Variants in DIAPH3 observed in about 807,000 individuals in gnomAD.
DIAPH3 encodes diaphanous related formin 3.
Under a neutral mutation model 144.3 loss-of-function variants are expected in DIAPH3, and 117 were observed. That is an observed-to-expected ratio of 0.81 (90% CI 0.70 to 0.95). DIAPH3 has a LOEUF of 0.95. DIAPH3 is among the 40% of genes least tolerant of loss of function. The pLI is 0.00. For synonymous variants in DIAPH3, 519 were observed against 488.9 expected (o/e 1.06, Z -0.81); for missense variants, 1,421 against 1,412.7 (o/e 1.01, Z -0.09).
intron 22 of DIAPH3, among the ~76,000 whole-genome samples, chr13:59,841,401 G>A (rs896249404): frequency 4.6e-5 from 7 of 151,772 alleles, no homozygotes; most frequent in Non-Finnish European, 7.4e-5. Context: ...GACCAGCCTG[G>A]ACAACAACAA....
chr13:59,851,135 C>T (rs1264007236), intron 22 of DIAPH3, among the ~76,000 whole-genome samples: 1 of 152,106 alleles, frequency 6.6e-6, no homozygotes, highest in African/African-American at 2.4e-5. Context: ...CAATAAAATA[C>T]TGGCAAACCG....
intron 4 of DIAPH3, among the ~76,000 whole-genome samples, chr13:60,069,873 C>T (rs1401811544): frequency 6.6e-6 from 1 of 152,178 alleles, no homozygotes; most frequent in African/African-American, 2.4e-5. Flanking sequence ...GTTTTGGTTA[C>T]TGTAGCCTTG....
At chr13:60,101,560 A>T (rs1309707422) in intron 3 of DIAPH3, among the ~76,000 whole-genome samples, 1 of 150,290 alleles carries the variant, frequency 6.7e-6, no homozygotes, top group East Asian at 2.0e-4. Flanking sequence ...CAAAAGTGTT[A>T]GTGTATTTTA....
At chr13:59,947,254 T>C (rs1010884647) in intron 17 of DIAPH3, among the ~76,000 whole-genome samples, 1 of 152,196 alleles carries the variant, frequency 6.6e-6, no homozygotes, top group African/African-American at 2.4e-5. Flanking sequence ...TGGGGTACTG[T>C]AATGCATTAC....
intron 4 of DIAPH3, among the ~76,000 whole-genome samples, chr13:60,082,198 A>T (rs1323538436): frequency 6.6e-6 from 1 of 152,028 alleles, no homozygotes; most frequent in Non-Finnish European, 1.5e-5. Context: ...AACAAGGAAC[A>T]CAAGAATAAA....
intron 27 of DIAPH3, among the ~76,000 whole-genome samples, chr13:59,724,235 T>C (rs1181557395): frequency 6.6e-6 from 1 of 152,222 alleles, no homozygotes; most frequent in Non-Finnish European, 1.5e-5. Context: ...ACTTGAAATT[T>C]AAATTTAACT....
chr13:60,093,736 G>A lies in DIAPH3; in HGVS notation c.391-4C>T. On this transcript the variant is annotated splice_polypyrimidine_tract_variant and splice_region_variant and intron_variant, in intron 3 of 27. Coordinates refer to ENST00000400324, the MANE Select transcript of DIAPH3 (RefSeq NM_001042517.2). Reference sequence around the variant, plus strand: ...CTTCATTTAAATTCATATCTTCCTGGAAAACACAATTAAAATGCCTCATTT... The same window carrying A: ...CTTCATTTAAATTCATATCTTCCTGAAAAACACAATTAAAATGCCTCATTT... The A allele has an allele frequency of 6.3e-7, 1 of 1,593,066 alleles. No individual in the cohort carries two copies. Among genetic ancestry groups the A allele is most frequent in the Non-Finnish European group, 8.6e-7 (1 of 1,162,036 alleles).
rs779430190 is a variant in DIAPH3, at chr13:59,916,262, AAG to A, written c.2171-15_2171-14del. 5 of 1,599,654 alleles carry A rather than the reference AAG, an allele frequency of 3.1e-6. No individual in the cohort carries two copies. Among genetic ancestry groups the A allele is most frequent in the Non-Finnish European group, 4.3e-6 (5 of 1,167,350 alleles). ...CTCAGGAAGATTGCTAAGAAGGAGA[AAG>A]AGAGAAAGGTTTATAATGAATAAGG... On this transcript the variant is annotated splice_polypyrimidine_tract_variant and intron_variant, in intron 18 of 27. Coordinates refer to ENST00000400324, the MANE Select transcript of DIAPH3 (RefSeq NM_001042517.2).
chr13:59,733,951 C>A (rs2036013483), intron 27 of DIAPH3, among the ~76,000 whole-genome samples: 1 of 152,230 alleles, frequency 6.6e-6, no homozygotes, highest in African/African-American at 2.4e-5. Flanking sequence ...AGCTTGTCAT[C>A]ACATATACAC....
chr13:60,101,160 G>T (rs375115938), intron 3 of DIAPH3, among the ~76,000 whole-genome samples: 1 of 152,142 alleles, frequency 6.6e-6, no homozygotes, highest in African/African-American at 2.4e-5. Context: ...TTAATCCTCA[G>T]TAACTTGAGG....
At chr13:60,028,357 T>C (rs911562065) in intron 5 of DIAPH3, among the ~76,000 whole-genome samples, 1 of 151,954 alleles carries the variant, frequency 6.6e-6, no homozygotes, top group Non-Finnish European at 1.5e-5. Flanking sequence ...ACAACCTTCC[T>C]CTTGCCAGTT....
At chr13:59,723,900 AC>A (rs200036651) in intron 27 of DIAPH3, among the ~76,000 whole-genome samples, 4,625 of 150,166 alleles carry the variant, frequency 0.031, 107 homozygotes, top group Non-Finnish European at 0.042. Flanking sequence ...GGCATGAGCC[AC>A]CGCACCCAGC....
At position 59,971,053 on chromosome 13, in the gene DIAPH3, C is replaced by T. The variant is rs780407433; in HGVS notation, c.1758G>A (p.Gly586=). ...GTGGGGGAGGAGGTGGAGGCGGCAC[C>T]CCTCCACCAGAAGGCAGTGGAGGCG... The part of the protein sequence containing the change: ...PPPPPLPSGG[G]VPPPPPPPPP... The change falls in exon 16 of 28, where the codon GGG becomes GGA. Residue 586 remains glycine (G), a synonymous_variant. Transcript: ENST00000400324. 8.7e-6 allele frequency: 14 copies of T among 1,613,358 alleles called. No homozygotes were observed. Among genetic ancestry groups the T allele is most frequent in the South Asian group, 1.1e-5 (1 of 91,040 alleles).
chr13:59,874,141 A>C (rs1222005927), intron 21 of DIAPH3, among the ~76,000 whole-genome samples: 2 of 152,166 alleles, frequency 1.3e-5, no homozygotes, highest in East Asian at 3.9e-4. Context: ...TCACATTTCA[A>C]GTTGAGTATG....
intron 4 of DIAPH3, among the ~76,000 whole-genome samples, chr13:60,064,616 G>A (rs1481774112): frequency 6.6e-6 from 1 of 152,184 alleles, no homozygotes; most frequent in Non-Finnish European, 1.5e-5. Context: ...GAATGTTGTA[G>A]CTAGTTTGAT....
chr13:59,783,139 G>A (rs77035203), intron 25 of DIAPH3, among the ~76,000 whole-genome samples: 3,228 of 152,178 alleles, frequency 0.021, 84 homozygotes, highest in East Asian at 0.12. Flanking sequence ...AACCCAAGAG[G>A]CATGTTTAAT....
At chr13:60,077,081 TTTTAAA>T (rs1302578692) in intron 4 of DIAPH3, among the ~76,000 whole-genome samples, 5 of 152,062 alleles carry the variant, frequency 3.3e-5, no homozygotes, top group Non-Finnish European at 7.4e-5. Flanking sequence ...ATTTTAATAA[TTTTAAA>T]TTTGAGTATA....
chr13:60,034,896 T>G (rs1350961071), intron 5 of DIAPH3: 1 of 152,222 alleles, frequency 6.6e-6, no homozygotes, highest in South Asian at 2.1e-4. Context: ...CGTAGTTATA[T>G]GAAACTGCGT....
intron 25 of DIAPH3, among the ~76,000 whole-genome samples, chr13:59,776,206 A>G (rs922686699): frequency 6.6e-6 from 1 of 152,188 alleles, no homozygotes; most frequent in Admixed American, 6.5e-5. Flanking sequence ...CAGTTTATAA[A>G]CAGATATATA....
Sources: allele counts gnomAD v4.1 joint callset (sites outside exome capture counted in the v4.1 genomes callset), GRCh38; gene constraint gnomAD v4.1.1; transcripts MANE v1.5; gene names NCBI Gene and HGNC (gene_info 2026-07-23, HGNC 2026-07-21).